The following GPR89A variants were observed in gnomAD, a reference collection of about 807,000 sequenced individuals.
GPR89A encodes the protein golgi pH regulator A, also known as G protein-coupled receptor 89A.
A neutral mutation model predicts 52.0 loss-of-function variants in GPR89A; 16 were observed. The ratio of observed to expected loss-of-function variants is 0.31; its 90% CI spans 0.21 to 0.47. The LOEUF is 0.47. Ranked by LOEUF, GPR89A falls within the 20% of genes least tolerant of loss-of-function variation. GPR89A has a pLI of 1.00. For missense variants in GPR89A, 135 were observed against 449.4 expected (o/e 0.30, Z 6.33); for synonymous variants, 55 against 150.9 (o/e 0.36, Z 4.66).
At chr1:145,610,390 T>TG (rs1648177521) in intron 1 of GPR89A, among the ~76,000 whole-genome samples, 1 of 152,144 alleles carries the variant, frequency 6.6e-6, no homozygotes. Context: ...TCTTCAGCTG[T>TG]GGCTCCAATT....
At chr1:145,610,877 C>T (rs1489656867) in intron 1 of GPR89A, among the ~76,000 whole-genome samples, 2 of 151,942 alleles carry the variant, frequency 1.3e-5, no homozygotes, top group African/African-American at 4.8e-5. Flanking sequence ...TAATTTTCAA[C>T]CCAGAAGTCA....
intron 10 of GPR89A, among the ~76,000 whole-genome samples, chr1:145,658,661 T>C (rs1651980662): frequency 1.3e-5 from 2 of 150,408 alleles, no homozygotes; most frequent in African/African-American, 2.5e-5. Context: ...CTGAATAATA[T>C]CTATTTCATT....
In GPR89A at chr1:145,646,196, T is replaced by C. The variant is rs587610208; in HGVS notation, c.740T>C (p.Ile247Thr). ...CATTCTGTGCCAGATCTTACTCTTA[T>C]TCAACAGGAAGTGGATGCTTTGGAA... is the stretch of plus-strand genomic sequence containing the variant. ...SASGSENLTL[I>T]QQEVDALEEL... The change falls in exon 9 of 14, where the codon ATT (isoleucine) becomes ACT (threonine). Residue 247 changes from isoleucine to threonine, a missense_variant. By Grantham distance (89) the Ile-to-Thr change is moderately conservative. This residue lies in a region of GPR89A where 23 missense variants were observed against 42.2 expected (regional missense o/e 0.54). Coordinates refer to ENST00000313835, the MANE Select transcript of GPR89A (RefSeq NM_001097612.2). The C allele has an allele frequency of 1.4e-5, 23 of 1,612,528 alleles. No individual in the cohort carries two copies. The highest frequency in any genetic ancestry group is 2.7e-5 in the African/African-American group (2 of 74,926).
chr1:145,665,445 C>T, intron 11 of GPR89A, 117 bp from the exon 12 acceptor site: 1 of 1,367,532 alleles, frequency 7.3e-7, no homozygotes, highest in Non-Finnish European at 1.0e-6. Flanking sequence ...GAAAAAAAAT[C>T]AGGTAGGGTC....
intron 7 of GPR89A, among the ~76,000 whole-genome samples, chr1:145,636,370 C>T (rs1207240262): frequency 7.1e-6 from 1 of 141,542 alleles, no homozygotes; most frequent in Non-Finnish European, 1.5e-5. Flanking sequence ...TTTTTGCAAA[C>T]ATTCATAGTT....
intron 1 of GPR89A, among the ~76,000 whole-genome samples, chr1:145,615,909 C>G (rs1648650809): frequency 6.6e-6 from 1 of 151,862 alleles, no homozygotes; most frequent in South Asian, 2.1e-4. Flanking sequence ...TGTGAGGCAC[C>G]GTGCCTGGCC....
At chr1:145,650,219 A>G (rs1242142260) in intron 10 of GPR89A, among the ~76,000 whole-genome samples, 1 of 150,502 alleles carries the variant, frequency 6.6e-6, no homozygotes, top group East Asian at 2.0e-4. Flanking sequence ...CCCACTTATA[A>G]GTGAGAACAT....
chr1:145,668,817 A>G, intron 12 of GPR89A, among the ~76,000 whole-genome samples: 1 of 152,222 alleles, frequency 6.6e-6, no homozygotes, highest in East Asian at 1.9e-4. Context: ...TTCTGCATCT[A>G]TTGAGATAAC....
At chr1:145,611,748 C>A (rs1222904374) in intron 1 of GPR89A, among the ~76,000 whole-genome samples, 2 of 151,828 alleles carry the variant, frequency 1.3e-5, no homozygotes, top group Admixed American at 6.6e-5. Context: ...TGCCCAACTT[C>A]TCTGTCTTCA....
chr1:145,640,950 T>A (rs1650617554), intron 7 of GPR89A, among the ~76,000 whole-genome samples: 1 of 151,258 alleles, frequency 6.6e-6, no homozygotes, highest in Non-Finnish European at 1.5e-5. Flanking sequence ...CCATTAAAAC[T>A]ACATCGAGAT....
At chr1:145,616,378 A>G in intron 2 of GPR89A, 85 bp downstream of exon 2, 1 of 1,070,508 alleles carries the variant, frequency 9.3e-7, no homozygotes, top group South Asian at 1.4e-5. Flanking sequence ...CATTATGTTC[A>G]TTTCCAAGAT....
chr1:145,661,032 A>C (rs1411736493), intron 10 of GPR89A, among the ~76,000 whole-genome samples: 1 of 150,450 alleles, frequency 6.6e-6, no homozygotes, highest in African/African-American at 2.4e-5. Context: ...CACTATTGAC[A>C]ATAGCAAAGA....
At chr1:145,619,270 A>G (rs1286534865) in intron 3 of GPR89A, among the ~76,000 whole-genome samples, 3 of 150,568 alleles carry the variant, frequency 2.0e-5, no homozygotes, top group Non-Finnish European at 2.9e-5. Context: ...AAAACTTACT[A>G]TACAGATGGT....
intron 7 of GPR89A, among the ~76,000 whole-genome samples, chr1:145,632,621 A>T (rs587762485): frequency 1.3e-5 from 2 of 152,246 alleles, no homozygotes; most frequent in Non-Finnish European, 2.9e-5. Flanking sequence ...CATGTATGCC[A>T]TATCTTTTTT....
At chr1:145,643,052 T>TG (rs1650759164) in intron 7 of GPR89A, among the ~76,000 whole-genome samples, 4 of 194 alleles carry the variant, frequency 0.021, no homozygotes, top group East Asian at 0.5. Context: ...GCAATTTTGC[T>TG]ATTTTTTTTC....
chr1:145,629,956 G>C (rs1250579285), intron 5 of GPR89A, among the ~76,000 whole-genome samples: 46 of 151,970 alleles, frequency 3.0e-4, no homozygotes, highest in African/African-American at 9.9e-4. Context: ...AATAGAAAGT[G>C]AAAACCAGTT....
chr1:145,666,708 C>T (rs1553696492), intron 12 of GPR89A, among the ~76,000 whole-genome samples: 1 of 123,422 alleles, frequency 8.1e-6, no homozygotes. Context: ...CCCCCCTCCC[C>T]CCACCCCACG....
intron 5 of GPR89A, among the ~76,000 whole-genome samples, chr1:145,629,303 C>A (rs1216766888): frequency 6.6e-6 from 1 of 152,096 alleles, no homozygotes; most frequent in Non-Finnish European, 1.5e-5. Flanking sequence ...TGTTATAAAA[C>A]AGCCCATAAA....
chr1:145,623,259 C>G (rs1649263476), intron 4 of GPR89A, 99 bp downstream of exon 4: 3 of 787,244 alleles, frequency 3.8e-6, no homozygotes, highest in South Asian at 2.1e-5. Flanking sequence ...CTTTCAGTAT[C>G]TACCGCTATT....
Sources: gnomAD v4.1 joint callset for allele counts (sites outside exome capture counted in the v4.1 genomes callset) on GRCh38, gnomAD v4.1.1 for gene constraint, gnomAD v4.1.1 regional missense constraint, MANE v1.5 for transcripts, NCBI Gene and HGNC (gene_info 2026-07-23, HGNC 2026-07-21) for gene names.